The following FBXL13 variants were observed in gnomAD, a reference collection of about 807,000 sequenced individuals.
FBXL13 encodes the protein F-box and leucine rich repeat protein 13.
FBXL13 carries 67 observed loss-of-function variants against 83.6 expected under a neutral mutation model. The observed-to-expected ratio is 0.80, with a 90% confidence interval of 0.66 to 0.98. FBXL13 has a LOEUF of 0.98. Ranked by LOEUF, FBXL13 falls within the 50% of genes least tolerant of loss-of-function variation. The probability of loss-of-function intolerance (pLI) is 0.00; values close to 1 mark genes in which losing one functional copy is unlikely to be tolerated. For synonymous variants in FBXL13, 272 were observed against 299.5 expected (o/e 0.91, Z 0.95); for missense variants, 822 against 866.5 (o/e 0.95, Z 0.64).
chr7:102,964,991 G>A (rs777594328), intron 7 of FBXL13, among the ~76,000 whole-genome samples: 27 of 152,144 alleles, frequency 1.8e-4, no homozygotes, highest in Admixed American at 1.4e-3. Context: ...GTCCAAGTAT[G>A]CTGCTCTCTG....
At chr7:102,871,334 CT>C (rs1808500006) in intron 16 of FBXL13, among the ~76,000 whole-genome samples, 1 of 151,966 alleles carries the variant, frequency 6.6e-6, no homozygotes, top group Non-Finnish European at 1.5e-5. Flanking sequence ...TATTACCTAT[CT>C]TTTTAGAGGT....
intron 8 of FBXL13, among the ~76,000 whole-genome samples, chr7:102,957,276 A>C (rs1028384005): frequency 6.6e-6 from 1 of 152,140 alleles, no homozygotes; most frequent in Non-Finnish European, 1.5e-5. Context: ...CGAAAACAAG[A>C]AATGGGGAAA....
At chr7:102,965,200 G>C (rs1168295921) in intron 7 of FBXL13, among the ~76,000 whole-genome samples, 1 of 152,166 alleles carries the variant, frequency 6.6e-6, no homozygotes, top group Non-Finnish European at 1.5e-5. Flanking sequence ...TGGCAGACCT[G>C]GCATTCTCTT....
intron 8 of FBXL13, among the ~76,000 whole-genome samples, chr7:102,941,056 G>A (rs1821328340): frequency 6.6e-6 from 1 of 152,152 alleles, no homozygotes; most frequent in African/African-American, 2.4e-5. Context: ...ATATTTTAGA[G>A]TTAACCTTTT....
chr7:102,813,630 C>A, intron 19 of FBXL13, 99 bp from the exon 21 acceptor site: 1 of 1,224,382 alleles, frequency 8.2e-7, no homozygotes, highest in Non-Finnish European at 1.2e-6. Context: ...TTCACTGTCA[C>A]AATCTGAATT....
intron 2 of FBXL13, among the ~76,000 whole-genome samples, chr7:103,053,720 G>A (rs1177749043): frequency 6.6e-6 from 1 of 152,128 alleles, no homozygotes; most frequent in African/African-American, 2.4e-5. Flanking sequence ...CTCAGCTCCT[G>A]AGGTTGTCCC....
intron 10 of FBXL13, among the ~76,000 whole-genome samples, chr7:102,920,064 A>C (rs562078378): frequency 2.0e-5 from 3 of 152,328 alleles, no homozygotes; most frequent in African/African-American, 7.2e-5. Flanking sequence ...CAGGGGTGTC[A>C]AGTTCAAGGG....
chr7:102,894,479 T>C (rs565268396), intron 11 of FBXL13, among the ~76,000 whole-genome samples: 1 of 152,212 alleles, frequency 6.6e-6, no homozygotes, highest in South Asian at 2.1e-4. Context: ...ATCCTGGCAC[T>C]TTGGGAGGCT....
chr7:103,069,016 G>A (rs1671618111), intron 1 of FBXL13, among the ~76,000 whole-genome samples: 1 of 152,222 alleles, frequency 6.6e-6, no homozygotes, highest in Admixed American at 6.5e-5. Context: ...GGGAAGTGAG[G>A]AGCGCCTCTG....
chr7:102,947,416 C>T (rs1822713390), intron 8 of FBXL13, among the ~76,000 whole-genome samples: 1 of 152,172 alleles, frequency 6.6e-6, no homozygotes, highest in Non-Finnish European at 1.5e-5. Context: ...AGCTCCTGAA[C>T]ACATCAAAAC....
intron 6 of FBXL13, among the ~76,000 whole-genome samples, chr7:103,023,776 T>C (rs997178102): frequency 3.9e-5 from 6 of 152,114 alleles, no homozygotes; most frequent in Non-Finnish European, 8.8e-5. Context: ...ATATATACAT[T>C]GAAATACTAT....
At chr7:102,891,464 G>A (rs1248173194) in intron 11 of FBXL13, among the ~76,000 whole-genome samples, 1 of 152,166 alleles carries the variant, frequency 6.6e-6, no homozygotes, top group Non-Finnish European at 1.5e-5. Flanking sequence ...AAGAAGCATG[G>A]ACAGCATCTT....
intron 17 of FBXL13, among the ~76,000 whole-genome samples, chr7:102,834,402 C>T (rs1320148068): frequency 3.5e-5 from 5 of 141,506 alleles, no homozygotes; most frequent in East Asian, 2.0e-4. Context: ...ATATTATATG[C>T]GATTATATAT....
At chr7:102,942,656 A>G (rs979642237) in intron 8 of FBXL13, among the ~76,000 whole-genome samples, 10 of 152,324 alleles carry the variant, frequency 6.6e-5, no homozygotes, top group East Asian at 5.8e-4. Flanking sequence ...GAAAAAATCC[A>G]GTATCTTCAG....
At chr7:103,074,575 C>T (rs1398189257), upstream of FBXL13, 3 of 1,235,004 alleles carry the variant, frequency 2.4e-6, no homozygotes, top group East Asian at 1.8e-4. Context: ...TTCTGCCCCG[C>T]CTTCCCTCCA....
chr7:103,055,277 G>A (rs1204460468), intron 2 of FBXL13, 99 bp from the exon 3 acceptor site: 1 of 603,388 alleles, frequency 1.7e-6, no homozygotes, highest in Non-Finnish European at 2.5e-6. Context: ...AAAGGGAGGA[G>A]AAGGAAAACA....
At chr7:102,965,334 A>G (rs1825861235) in intron 7 of FBXL13, among the ~76,000 whole-genome samples, 1 of 152,198 alleles carries the variant, frequency 6.6e-6, no homozygotes, top group African/African-American at 2.4e-5. Context: ...TTCATCTGTA[A>G]AATGGGAAAA....
intron 2 of FBXL13, among the ~76,000 whole-genome samples, chr7:103,050,952 A>G (rs1354185317): frequency 6.6e-6 from 1 of 152,230 alleles, no homozygotes; most frequent in East Asian, 1.9e-4. Flanking sequence ...GAGAACCCTC[A>G]TTTTTAAACA....
At chr7:102,850,087 CAT>C (rs1804939517) in intron 17 of FBXL13, among the ~76,000 whole-genome samples, 2 of 151,770 alleles carry the variant, frequency 1.3e-5, no homozygotes, top group Non-Finnish European at 2.9e-5. Context: ...AAAATAAATA[CAT>C]GTCAGTTTGT....
Sources: gnomAD v4.1 joint callset for allele counts (sites outside exome capture counted in the v4.1 genomes callset) on GRCh38, gnomAD v4.1.1 for gene constraint, MANE v1.5 for transcripts, NCBI Gene and HGNC (gene_info 2026-07-23, HGNC 2026-07-21) for gene names.